The following MYH6 variants were observed in gnomAD, a reference collection of about 807,000 sequenced individuals.
The protein encoded by MYH6 is myosin heavy chain 6.
In MYH6, 126 loss-of-function variants were observed where a neutral mutation model predicts 223.2. The observed-to-expected ratio is 0.56, with a 90% CI of 0.49 to 0.65. The LOEUF is 0.65. Among genes scored for constraint, MYH6 ranks in the 30% least tolerant of loss-of-function variants. The pLI, the probability that MYH6 is intolerant of heterozygous loss-of-function variation, is 0.00. For synonymous variants in MYH6, 978 were observed against 1,010.2 expected (o/e 0.97, Z 0.61); for missense variants, 2,040 against 2,536.4 (o/e 0.80, Z 4.20).
Position 23,386,810 on chromosome 14 carries a change from G to A in MYH6, c.4651-187C>T, listed in dbSNP as rs1891042149. ...TGGGGAGAAAGTGCTGGACTCTCTG[G>A]GCTTCCCCTGTCAAGAAAAGGGTTT... On this transcript the variant is annotated intron_variant, in intron 32 of 38. Coordinates refer to ENST00000405093, the MANE Select transcript of MYH6 (RefSeq NM_002471.4). 2.0e-5 allele frequency among the ~76,000 whole-genome samples: 3 copies of A among 152,066 alleles called. 1 individual carries two copies. In the South Asian group the frequency reaches 6.2e-4, roughly 32 times the overall value.
Position 23,386,102 on chromosome 14 carries a change from G to T in MYH6, c.4989C>A (p.Val1663=), listed in dbSNP as rs747777316. Residue 1663 remains valine, a synonymous_variant, in exon 34 of 39, where the codon GTC becomes GTA. Transcript: ENST00000405093. The part of the protein sequence containing the change: ...KDTQIQLDDA[V]RANDDLKENI... The stretch of plus-strand genomic sequence containing the variant: ...TCTCCTTCAGGTCGTCGTTGGCACG[G>T]ACCGCATCGTCCAGCTGGATCTGGG... 3 of 1,614,260 alleles carry T rather than the reference G, an allele frequency of 1.9e-6. No individual in the cohort carries two copies. The East Asian group carries it at 6.7e-5, about 36-fold the overall frequency.
rs774131751 is a variant in MYH6, at chr14:23,394,212, C to T, written c.2541G>A (p.Thr847=). The T allele has an allele frequency of 3.2e-5, 52 of 1,614,118 alleles. No individual in the cohort carries two copies. Among genetic ancestry groups the T allele is most frequent in the Non-Finnish European group, 4.0e-5 (47 of 1,180,056 alleles). The change falls in exon 21 of 39, where the codon ACG becomes ACA. Residue 847 remains threonine, a synonymous_variant. Transcript: ENST00000405093. The stretch of plus-strand genomic sequence containing the variant: ...CCTTCATGGTGGCCATCTCCTTCTC[C>T]GTCTCTGCGCTCTTCAGCAGCGGCT... ...KIKPLLKSAE[T]EKEMATMKEE...
Position 23,387,779 on chromosome 14 carries a change from G to T in MYH6, c.4504C>A (p.Arg1502=), listed in dbSNP as rs773631723. ...ACACCCTGAAGGTTCTTGTTCTCCC[G>T]CTTGAAGGTCTCTAGGTGCTCCAGG... ...ESLEHLETFK[R]ENKNLQEEIS... is the part of the protein sequence containing the mutation. The change falls in exon 31 of 39, where the codon CGG becomes AGG. Residue 1502 remains arginine (R), a synonymous_variant. Coordinates refer to ENST00000405093, the MANE Select transcript of MYH6 (RefSeq NM_002471.4). The T allele has an allele frequency of 2.7e-5, 44 of 1,613,854 alleles. No homozygotes were observed. The East Asian group carries it at 9.4e-4, about 34-fold the overall frequency.
chr14:23,400,908 C>T lies in MYH6; in HGVS notation c.1211G>A (p.Arg404Gln). Residue 404 changes from arginine to glutamine, a missense_variant, in exon 13 of 39, where the codon CGG becomes CAG. Around this residue, in one of 4 missense-constraint regions of MYH6, gnomAD observed 649 missense variants for 877.3 expected, o/e 0.74. Coordinates refer to ENST00000405093, the MANE Select transcript of MYH6 (RefSeq NM_002471.4). ...ADLLKGLCHP[R>Q]VKVGNEYVTK... Reference sequence around the variant, plus strand: ...GACATACTCGTTGCCCACTTTCACCCGAGGGTGGCACAGCCCCTTGAGCAG... The same window carrying T: ...GACATACTCGTTGCCCACTTTCACCTGAGGGTGGCACAGCCCCTTGAGCAG... 3.7e-6 allele frequency: 6 copies of T among 1,614,236 alleles called. No homozygotes were observed. Among genetic ancestry groups the T allele is most frequent in the Non-Finnish European group, 5.1e-6 (6 of 1,180,046 alleles).
chr14:23,405,079 G>T lies in MYH6; in HGVS notation c.530+21C>A, dbSNP rs762538784. ...ATGCCCCCAGCCCAGTCCCTTCTGTGGGAGGATGGCACTCGCTCACGTGAT... is the reference window on the plus strand; with the variant it reads ...ATGCCCCCAGCCCAGTCCCTTCTGTTGGAGGATGGCACTCGCTCACGTGAT... On this transcript the variant is annotated intron_variant, in intron 6 of 38. Transcript: ENST00000405093. The surrounding 1 kb of genome is among the most constrained non-coding windows in gnomAD (Gnocchi z 4.7). The T allele has an allele frequency of 6.2e-7, 1 of 1,614,046 alleles. No homozygotes were observed. Among genetic ancestry groups the T allele is most frequent in the Admixed American group, 1.7e-5 (1 of 60,014 alleles).
In MYH6 at chr14:23,397,934, C is replaced by CTTCTTCTTCTTCTTCTTCTTT. The variant is rs1566512280; in HGVS notation, c.1892-322_1892-321insAAAGAAGAAGAAGAAGAAGAA. 4.3e-3 allele frequency among the ~76,000 whole-genome samples: 244 copies of CTTCTTCTTCTTCTTCTTCTTT among 56,598 alleles called. 4 individuals are homozygous for CTTCTTCTTCTTCTTCTTCTTT. Among genetic ancestry groups the CTTCTTCTTCTTCTTCTTCTTT allele is most frequent in the Admixed American group, 5.5e-3 (29 of 5,232 alleles). The allele number at this position is 56,598 out of a possible 152,430, so 37.1% of individuals were successfully genotyped here. On this transcript the variant is annotated intron_variant, in intron 15 of 38. Transcript: ENST00000405093. The stretch of plus-strand genomic sequence containing the variant: ...TTCTCCTCCTCCTCCTCCTCCTCCT[C>CTTCTTCTTCTTCTTCTTCTTT]TTCTTCTTCTTCTTCTTCTTCTTCT...
intron 14 of MYH6, chr14:23,399,938 T>C (rs1891547465): frequency 2.4e-6 from 1 of 409,810 alleles, no homozygotes. Flanking sequence ...CAAACATCTC[T>C]AATTTCAGCC....
At chr14:23,395,472 T>C (rs570567131) in intron 20 of MYH6, among the ~76,000 whole-genome samples, 4 of 152,368 alleles carry the variant, frequency 2.6e-5, no homozygotes, top group Admixed American at 1.3e-4. Context: ...TGTACATGTA[T>C]AAGAGTTTCT....
rs750888671 is a variant in MYH6 at position 23,385,992 on chromosome 14, G to T, written c.5099C>A (p.Ser1700Tyr). ...CAGCTCCTGCTCCGCCAGCTTCCGG[G>T]ACCGCTCTGTCTGCTCCACCACGGC... ...LRAVVEQTER[S>Y]RKLAEQELIE... is the part of the protein sequence containing the mutation. The change falls in exon 34 of 39, where the codon TCC becomes TAC. Residue 1700 changes from serine (S) to tyrosine (Y), a missense_variant. Physicochemically the swap from Ser to Tyr is moderately radical, Grantham distance 144. Around this residue, in one of 4 missense-constraint regions of MYH6, gnomAD observed 1,203 missense variants for 1,400.2 expected, o/e 0.86. Coordinates refer to ENST00000405093, the MANE Select transcript of MYH6 (RefSeq NM_002471.4). The T allele has an allele frequency of 1.2e-6, 2 of 1,614,204 alleles. No homozygotes were observed. Among genetic ancestry groups the T allele is most frequent in the Admixed American group, 3.3e-5 (2 of 60,028 alleles).
chr14:23,387,663 A>G lies in MYH6; in HGVS notation c.4526-10T>C. On this transcript the variant is annotated splice_polypyrimidine_tract_variant and intron_variant, in intron 31 of 38. Coordinates refer to ENST00000405093, the MANE Select transcript of MYH6 (RefSeq NM_002471.4). ...AGGTCCGAGATTTCCTCTGGGGACC[A>G]GAGGGCCAGAAAGCTCAAAGCCTAT... 1 of 1,614,088 alleles carries G rather than the reference A, an allele frequency of 6.2e-7. No homozygotes were observed. The highest frequency in any genetic ancestry group is 8.5e-7 in the Non-Finnish European group (1 of 1,179,976).
intron 25 of MYH6, among the ~76,000 whole-genome samples, chr14:23,392,207 C>CT (rs200757604): frequency 0.018 from 2,533 of 143,544 alleles, 29 homozygotes; most frequent in Middle Eastern, 0.081. Flanking sequence ...TCCTTGAAGC[C>CT]TTTTTTTTTT....
chr14:23,407,265 C>T lies in MYH6; in HGVS notation c.-13-29G>A. 2 of 1,612,476 alleles carry T rather than the reference C, an allele frequency of 1.2e-6. No homozygotes were observed. The highest frequency in any genetic ancestry group is 2.2e-5 in the South Asian group (2 of 90,972). ...GGTCAGAGACAGGAGGGCTATGTTA[C>T]TCCTGAGGGAGCCCAGGCTCCAGCG... On this transcript the variant is annotated intron_variant, in intron 2 of 38. Transcript: ENST00000405093. This position sits in a 1 kb window ranked among gnomAD's most constrained non-coding sequence, Gnocchi z 5.6.
At position 23,386,129 on chromosome 14, in the gene MYH6, G is replaced by A; in HGVS notation, c.4962C>T (p.Asp1654=). 6.2e-7 allele frequency: 1 copy of A among 1,614,246 alleles called. No individual in the cohort carries two copies. The highest frequency in any genetic ancestry group is 1.3e-5 in the African/African-American group (1 of 75,070). Residue 1654 remains aspartate, a splice_region_variant and synonymous_variant, in exon 34 of 39, where the codon GAC becomes GAT. Transcript: ENST00000405093. ...CCGCATCGTCCAGCTGGATCTGGGTGTCCTGAGCATCAGGAGAGTGGGTGT... is the reference window on the plus strand; with the variant it reads ...CCGCATCGTCCAGCTGGATCTGGGTATCCTGAGCATCAGGAGAGTGGGTGT... ...QVKSLQSLLK[D]TQIQLDDAVR...
rs1167755781 is a variant in MYH6 at position 23,394,086 on chromosome 14, C to A, written c.2667G>T (p.Leu889=). Residue 889 remains leucine, a synonymous_variant, in exon 21 of 39, where the codon CTG becomes CTT. Coordinates refer to ENST00000405093, the MANE Select transcript of MYH6 (RefSeq NM_002471.4). ...MVSLLQEKND[L]QLQVQAEQDN... ...GCCTCACCGCCTGCACTTGGAGCTG[C>A]AGGTCATTCTTCTCCTGCAGCAGGG... is the stretch of plus-strand genomic sequence containing the variant. 1 of 1,614,064 alleles carries A rather than the reference C, an allele frequency of 6.2e-7. No homozygotes were observed. The highest frequency in any genetic ancestry group is 1.3e-5 in the African/African-American group (1 of 74,938).
At position 23,407,510 on chromosome 14, in the gene MYH6, C is replaced by T. The variant is rs575898921; in HGVS notation, c.-14+66G>A. ...GTGCTTGGGACAGCAGACCCCTGGT[C>T]CAGCAATCCGGCTCCCAGGAGAAGC... On this transcript the variant is annotated intron_variant, in intron 2 of 38. Transcript: ENST00000405093. This position sits in a 1 kb window ranked among gnomAD's most constrained non-coding sequence, Gnocchi z 5.6. 1.5e-6 allele frequency: 2 copies of T among 1,317,242 alleles called. No individual in the cohort carries two copies. The highest frequency in any genetic ancestry group is 1.5e-5 in the African/African-American group (1 of 67,282). The allele number at this position is 1,317,242 out of a possible 1,614,324, so 81.6% of individuals were successfully genotyped here. A position where few individuals can be genotyped will look rare whatever the true frequency, so the allele number is the denominator to read the frequency against.
rs1438751272 is a variant in MYH6, at chr14:23,384,857, C to A, written c.5289+59G>T. 5.0e-6 allele frequency: 8 copies of A among 1,613,216 alleles called. No homozygotes were observed. In the Admixed American group the frequency reaches 5.0e-5, roughly 10 times the overall value. ...TTGGTGTTACAGCACAGTGGCCTGG[C>A]CTGGACCCAAGGCCTTGTTTCTGTC... On this transcript the variant is annotated intron_variant, in intron 35 of 38. Transcript: ENST00000405093.
intron 12 of MYH6, 117 bp from the exon 13 acceptor site, chr14:23,401,094 C>T (rs943456274): frequency 1.9e-5 from 28 of 1,489,292 alleles, no homozygotes; most frequent in Admixed American, 7.9e-5. Flanking sequence ...ACAGCCTCCA[C>T]CTCCTGGGTT....
intron 32 of MYH6, 63 bp downstream of exon 32, chr14:23,387,466 T>G (rs928396642): frequency 1.9e-6 from 3 of 1,606,466 alleles, no homozygotes; most frequent in African/African-American, 2.7e-5. Flanking sequence ...CACCCCCAGG[T>G]GAGGGAGAAG....
intron 15 of MYH6, 80 bp from the exon 16 acceptor site, chr14:23,397,693 G>T: frequency 4.2e-6 from 6 of 1,426,680 alleles, no homozygotes; most frequent in Non-Finnish European, 5.9e-6. Flanking sequence ...TCTGCTGCTC[G>T]CTTGGTAGCT....
Sources: allele counts gnomAD v4.1 joint callset (sites outside exome capture counted in the v4.1 genomes callset), GRCh38; gene constraint gnomAD v4.1.1; regional missense constraint gnomAD v4.1.1; non-coding constraint Gnocchi (gnomAD v3.1); transcripts MANE v1.5; gene names NCBI Gene and HGNC (gene_info 2026-07-23, HGNC 2026-07-21).